Variants in DIP2C observed in about 807,000 individuals in gnomAD.
DIP2C encodes disco-interacting protein 2 homolog C.
A neutral mutation model predicts 192.4 loss-of-function variants in DIP2C; 33 were observed. The observed-to-expected ratio is 0.17, with a 90% CI of 0.13 to 0.23. The LOEUF (loss-of-function observed/expected upper bound fraction) is 0.23, where lower values mean the gene tolerates loss of function less well. Among genes scored for constraint, DIP2C ranks in the 10% least tolerant of loss-of-function variants. DIP2C has a pLI of 1.00. For missense variants in DIP2C, 1,537 were observed against 2,110.1 expected, an observed-to-expected ratio of 0.73 and a Z score of 5.32; for synonymous variants, 979 against 864.1, an observed-to-expected ratio of 1.13 and a Z score of -2.33.
intron 3 of DIP2C, among the ~76,000 whole-genome samples, chr10:454,083 AAATT>A (rs1329935600): frequency 1.3e-5 from 2 of 152,330 alleles, no homozygotes; most frequent in Non-Finnish European, 2.9e-5. Context: ...GAGAGGCAAT[AAATT>A]GATAGAGGTG....
At chr10:426,355 G>A (rs916670138) in intron 4 of DIP2C, among the ~76,000 whole-genome samples, 1 of 152,118 alleles carries the variant, frequency 6.6e-6, no homozygotes, top group South Asian at 2.1e-4. Context: ...CAAATAAATG[G>A]AAACTAAATA....
chr10:627,943 A>G (rs1854295802), intron 1 of DIP2C, among the ~76,000 whole-genome samples: 1 of 152,220 alleles, frequency 6.6e-6, no homozygotes, highest in African/African-American at 2.4e-5. Flanking sequence ...CTGTGTCTGC[A>G]TCTGTAACGA....
intron 36 of DIP2C, among the ~76,000 whole-genome samples, chr10:278,318 G>A (rs1038908400): frequency 6.6e-6 from 1 of 152,258 alleles, no homozygotes; most frequent in Non-Finnish European, 1.5e-5. Flanking sequence ...GTGGGGGTGT[G>A]TTTCCCAGTC....
intron 3 of DIP2C, among the ~76,000 whole-genome samples, chr10:446,886 G>T (rs1434059845): frequency 6.6e-6 from 1 of 152,160 alleles, no homozygotes; most frequent in Non-Finnish European, 1.5e-5. Flanking sequence ...ATTTTTGAAT[G>T]ATGAGCCAAG....
At chr10:316,120 T>C (rs1956763605) in intron 31 of DIP2C, among the ~76,000 whole-genome samples, 1 of 152,198 alleles carries the variant, frequency 6.6e-6, no homozygotes, top group South Asian at 2.1e-4. Context: ...AAGTCTCTGA[T>C]AATTGCAGCA....
At chr10:545,773 A>C (rs1848255054) in intron 1 of DIP2C, among the ~76,000 whole-genome samples, 1 of 152,140 alleles carries the variant, frequency 6.6e-6, no homozygotes, top group Non-Finnish European at 1.5e-5. Flanking sequence ...GGGAGGGTGC[A>C]GTCCATCCTT....
intron 14 of DIP2C, among the ~76,000 whole-genome samples, chr10:384,962 C>T (rs1047140238): frequency 2.7e-5 from 4 of 149,806 alleles, no homozygotes; most frequent in Admixed American, 1.3e-4. Context: ...AGCAGCAGTT[C>T]TCAAGGAGCA....
intron 1 of DIP2C, among the ~76,000 whole-genome samples, chr10:677,679 A>AT (rs926358277): frequency 1.3e-5 from 2 of 152,180 alleles, no homozygotes; most frequent in South Asian, 2.1e-4. Flanking sequence ...TCTGTCTCTG[A>AT]TTTTTTTATT....
chr10:392,653 C>T (rs184189218), intron 10 of DIP2C, among the ~76,000 whole-genome samples: 12 of 152,322 alleles, frequency 7.9e-5, no homozygotes, highest in Non-Finnish European at 1.3e-4. Flanking sequence ...CCATGTCTCA[C>T]CCTACACACC....
intron 1 of DIP2C, among the ~76,000 whole-genome samples, chr10:585,627 C>T (rs1850974147): frequency 6.6e-6 from 1 of 152,118 alleles, no homozygotes; most frequent in South Asian, 2.1e-4. Context: ...GCCCAAATCC[C>T]CTAAACCAGG....
At chr10:317,974 T>A (rs1459105118) in intron 31 of DIP2C, among the ~76,000 whole-genome samples, 2 of 152,156 alleles carry the variant, frequency 1.3e-5, no homozygotes, top group Non-Finnish European at 1.5e-5. Flanking sequence ...GCCTAGGAAG[T>A]CGTGGGTTTG....
chr10:628,058 G>A (rs943080452), intron 1 of DIP2C, among the ~76,000 whole-genome samples: 3 of 152,160 alleles, frequency 2.0e-5, no homozygotes, highest in South Asian at 2.1e-4. Context: ...GCGGACACTC[G>A]ATGCAGGCCT....
intron 1 of DIP2C, among the ~76,000 whole-genome samples, chr10:583,862 G>C (rs1287972942): frequency 6.6e-6 from 1 of 152,190 alleles, no homozygotes; most frequent in Non-Finnish European, 1.5e-5. Flanking sequence ...GGCCCACACT[G>C]ACCACAGCCA....
chr10:416,678 A>G (rs936495636), intron 6 of DIP2C, among the ~76,000 whole-genome samples: 7 of 152,202 alleles, frequency 4.6e-5, no homozygotes, highest in Non-Finnish European at 8.8e-5. Context: ...TTGATCAATG[A>G]AAGAGTCAAG....
At position 651,621 on chromosome 10, in the gene DIP2C, G is replaced by C; in HGVS notation, c.85+37873C>G. The C allele has an allele frequency of 2.8e-6, 1 of 358,444 alleles. No homozygotes were observed. Among genetic ancestry groups the C allele is most frequent in the South Asian group, 2.2e-5 (1 of 45,866 alleles). 22.2% of individuals were successfully genotyped at this position (358,444 alleles called of 1,614,324 possible). ...CATCTTTTATAAAACAAGAACGCAA[G>C]GCTCTGAGGCCAACTTTGAACATTT... is the stretch of plus-strand genomic sequence containing the variant. On this transcript the variant is annotated intron_variant, in intron 1 of 36. Coordinates refer to ENST00000280886, the MANE Select transcript of DIP2C (RefSeq NM_014974.3). This position sits in a 1 kb window ranked among gnomAD's most constrained non-coding sequence, Gnocchi z 4.1.
chr10:372,603 C>T (rs1197698567), intron 17 of DIP2C, among the ~76,000 whole-genome samples: 5 of 152,188 alleles, frequency 3.3e-5, no homozygotes, highest in Admixed American at 2.0e-4. Flanking sequence ...CCTTGCTAGT[C>T]GGAGAAAACG....
chr10:617,298 G>A (rs1178094437), intron 1 of DIP2C, among the ~76,000 whole-genome samples: 3 of 152,054 alleles, frequency 2.0e-5, no homozygotes, highest in South Asian at 2.1e-4. Flanking sequence ...CTGGGCTCTA[G>A]GGCCAACGTC....
At position 277,583 on chromosome 10, in the gene DIP2C, A is replaced by C; in HGVS notation, c.4419-6T>G. The C allele has an allele frequency of 1.2e-6, 2 of 1,612,664 alleles. No homozygotes were observed. The highest frequency in any genetic ancestry group is 1.7e-6 in the Non-Finnish European group (2 of 1,179,262). ...TTGTCCAGGTAAACACAGCACTAAA[A>C]GACAGAAAAGAAAGCCATCATTATA... On this transcript the variant is annotated splice_polypyrimidine_tract_variant and splice_region_variant and intron_variant, in intron 36 of 36. Coordinates refer to ENST00000280886, the MANE Select transcript of DIP2C (RefSeq NM_014974.3).
intron 1 of DIP2C, among the ~76,000 whole-genome samples, chr10:538,897 CTT>C (rs1389706339): frequency 6.6e-6 from 1 of 152,200 alleles, no homozygotes; most frequent in Non-Finnish European, 1.5e-5. Flanking sequence ...CTACTAAGAA[CTT>C]TTTCTGTGTT....
Sources: allele counts gnomAD v4.1 joint callset (sites outside exome capture counted in the v4.1 genomes callset), GRCh38; gene constraint gnomAD v4.1.1; non-coding constraint Gnocchi (gnomAD v3.1); transcripts MANE v1.5; gene names NCBI Gene and HGNC (gene_info 2026-07-23, HGNC 2026-07-21).